OSBPL6: variants seen among roughly 807,000 people sequenced by gnomAD.
OSBPL6 encodes oxysterol binding protein like 6.
Under a neutral mutation model 125.8 loss-of-function variants are expected in OSBPL6, and 49 were observed. The ratio of observed to expected loss-of-function variants is 0.39; its 90% CI spans 0.31 to 0.49. The LOEUF is 0.49. OSBPL6 is among the 20% of genes least tolerant of loss of function. OSBPL6 has a pLI of 0.88. For missense variants in OSBPL6, 986 were observed against 1,135.4 expected (o/e 0.87, Z 1.89); for synonymous variants, 394 against 391.8 (o/e 1.01, Z -0.07).
intron 1 of OSBPL6, among the ~76,000 whole-genome samples, chr2:178,230,815 C>A (rs1338330689): frequency 6.6e-6 from 1 of 152,198 alleles, no homozygotes; most frequent in Admixed American, 6.5e-5. Flanking sequence ...CCTTATAGCA[C>A]AAATACCTTC....
At chr2:178,371,854 G>A (rs1375379328) in intron 13 of OSBPL6, among the ~76,000 whole-genome samples, 1 of 151,982 alleles carries the variant, frequency 6.6e-6, no homozygotes, top group East Asian at 1.9e-4. Context: ...TCACTCTAAA[G>A]GAAAGAAAAT....
chr2:178,339,326 C>A (rs1172630943), intron 10 of OSBPL6, among the ~76,000 whole-genome samples: 1 of 152,110 alleles, frequency 6.6e-6, no homozygotes, highest in Non-Finnish European at 1.5e-5. Context: ...GAAATACATT[C>A]AGTATCTGAA....
At chr2:178,336,485 CA>C in intron 9 of OSBPL6, 52 bp downstream of exon 9, 1 of 1,596,622 alleles carries the variant, frequency 6.3e-7, no homozygotes, top group Non-Finnish European at 8.5e-7. Context: ...AAACAAGAAA[CA>C]AAACCCGAAG....
chr2:178,294,420 A>G (rs2154049795), intron 2 of OSBPL6, among the ~76,000 whole-genome samples: 1 of 152,326 alleles, frequency 6.6e-6, no homozygotes, highest in African/African-American at 2.4e-5. Flanking sequence ...ACATGATAAC[A>G]GACGTCTTAA....
rs73030606 is a variant in OSBPL6 at position 178,262,818 on chromosome 2, G to A, written c.-350-22109G>A. Among the ~76,000 whole-genome samples, 1,093 of 152,206 alleles carry A rather than the reference G, an allele frequency of 7.2e-3. 9 individuals carry two copies. Among genetic ancestry groups the A allele is most frequent in the African/African-American group, 0.025 (1,045 of 41,524 alleles). ...TGACCAGTGTTTAATGAAAAATTAG[G>A]AGACATTAATATATATAGATCTCCT... On this transcript the variant is annotated intron_variant, in intron 1 of 24. Transcript: ENST00000190611.
intron 1 of OSBPL6, among the ~76,000 whole-genome samples, chr2:178,218,905 G>A (rs892202041): frequency 6.6e-6 from 1 of 152,084 alleles, no homozygotes; most frequent in Non-Finnish European, 1.5e-5. Context: ...TGGGATTACA[G>A]ATGTGAGCCA....
intron 1 of OSBPL6, among the ~76,000 whole-genome samples, chr2:178,201,913 A>T (rs986031097): frequency 6.6e-6 from 1 of 152,208 alleles, no homozygotes; most frequent in African/African-American, 2.4e-5. Context: ...ATCAGATATG[A>T]TGTCAGCTTT....
intron 1 of OSBPL6, among the ~76,000 whole-genome samples, chr2:178,248,337 T>A (rs546655847): frequency 4.1e-4 from 63 of 152,316 alleles, no homozygotes; most frequent in Non-Finnish European, 1.0e-4. Context: ...AAAAATACAA[T>A]TTCAGATTTG....
At chr2:178,335,318 G>A (rs1689582522) in intron 8 of OSBPL6, among the ~76,000 whole-genome samples, 1 of 152,094 alleles carries the variant, frequency 6.6e-6, no homozygotes, top group Non-Finnish European at 1.5e-5. Context: ...TGTTTGCCTT[G>A]AAATAAGAAA....
chr2:178,330,515 A>G (rs1215958149), intron 5 of OSBPL6, among the ~76,000 whole-genome samples: 2 of 152,034 alleles, frequency 1.3e-5, no homozygotes, highest in Non-Finnish European at 2.9e-5. Flanking sequence ...CTTTTTTTCC[A>G]GTGTTTACTT....
At chr2:178,297,839 A>T (rs1223324307) in intron 2 of OSBPL6, among the ~76,000 whole-genome samples, 2 of 152,240 alleles carry the variant, frequency 1.3e-5, no homozygotes, top group East Asian at 1.9e-4. Context: ...GTGATTCAGG[A>T]ACTTTTTATT....
In OSBPL6 at chr2:178,396,504, A is replaced by C. The variant is rs753761890; in HGVS notation, c.*945A>C. 6.6e-6 allele frequency: 1 copy of C among 152,262 alleles called. No homozygotes were observed. 9.4% of individuals were successfully genotyped at this position (152,262 alleles called of 1,614,324 possible). On this transcript the variant is annotated 3_prime_UTR_variant, in exon 25 of 25. Coordinates refer to ENST00000190611, the MANE Select transcript of OSBPL6 (RefSeq NM_032523.4). ...ACCTTAAAAGGAAATAACAAAAAGC[A>C]TATGGAATTCCTGTGTGGGCTTAGT...
rs1553532278 is a variant in OSBPL6, at chr2:178,247,015, C to CG, written c.-350-37912_-350-37911insG. ...CATCTCCCTGTAACCTGCCCCTCCC[C>CG]ACCCCCCCATGTTATTGTGTACTCA... On this transcript the variant is annotated intron_variant, in intron 1 of 24. Coordinates refer to ENST00000190611, the MANE Select transcript of OSBPL6 (RefSeq NM_032523.4). 4.6e-4 allele frequency among the ~76,000 whole-genome samples: 18 copies of CG among 39,490 alleles called. 2 individuals are homozygous for CG. The highest frequency in any genetic ancestry group is 1.3e-3 in the African/African-American group (11 of 8,698). 25.9% of individuals were successfully genotyped at this position (39,490 alleles called of 152,430 possible). A position where few individuals can be genotyped will look rare whatever the true frequency, so the allele number is the denominator to read the frequency against.
rs183091698 is a variant in OSBPL6 at position 178,378,277 on chromosome 2, T to C, written c.1534-4143T>C. ...CATGAAGGCAGAGATTTAACCACTG[T>C]GTCTCCTGCACTAAAACAGTTCTGG... On this transcript the variant is annotated intron_variant, in intron 15 of 24. Transcript: ENST00000190611. Among the ~76,000 whole-genome samples the C allele has an allele frequency of 2.6e-3, 403 of 152,342 alleles. 4 individuals are homozygous for C. Among genetic ancestry groups the C allele is most frequent in the Middle Eastern group, 0.024 (7 of 294 alleles).
rs546007902 is a variant in OSBPL6 at position 178,299,930 on chromosome 2, G to A, written c.-155-6100G>A. ...TGGAGAGAGATTAGAGGCTTGATGA[G>A]TTGAAATCAGGAAACTTGCATCTAG... On this transcript the variant is annotated intron_variant, in intron 2 of 24. Coordinates refer to ENST00000190611, the MANE Select transcript of OSBPL6 (RefSeq NM_032523.4). 3.3e-5 allele frequency among the ~76,000 whole-genome samples: 5 copies of A among 152,274 alleles called. No homozygotes were observed. In the South Asian group the frequency reaches 1.0e-3, roughly 32 times the overall value.
intron 2 of OSBPL6, among the ~76,000 whole-genome samples, chr2:178,299,658 G>T (rs1377581415): frequency 2.6e-5 from 4 of 152,134 alleles, no homozygotes; most frequent in Admixed American, 2.6e-4. Context: ...TAAAAATCCT[G>T]TTATGATTTT....
Position 178,374,157 on chromosome 2 carries a change from C to G in OSBPL6, c.1533+130C>G, listed in dbSNP as rs1693658089. ...TTTGTTTACATCATAGTAAAATGTC[C>G]AAATTGCAGCAAAGCTAAAAGCATG... On this transcript the variant is annotated intron_variant, in intron 15 of 24. Transcript: ENST00000190611. 15 of 1,105,356 alleles carry G rather than the reference C, an allele frequency of 1.4e-5. No individual in the cohort carries two copies. The South Asian group carries it at 1.9e-4, about 14-fold the overall frequency. 68.5% of individuals were successfully genotyped at this position (1,105,356 alleles called of 1,614,324 possible). A position where few individuals can be genotyped will look rare whatever the true frequency, so the allele number is the denominator to read the frequency against.
At chr2:178,352,213 TG>T (rs1244095402) in intron 12 of OSBPL6, among the ~76,000 whole-genome samples, 1 of 152,160 alleles carries the variant, frequency 6.6e-6, no homozygotes, top group Non-Finnish European at 1.5e-5. Flanking sequence ...CTGAGGTACG[TG>T]GTTCATCTCA....
chr2:178,274,411 T>C (rs1337975154), intron 1 of OSBPL6, among the ~76,000 whole-genome samples: 3 of 152,132 alleles, frequency 2.0e-5, no homozygotes, highest in Non-Finnish European at 4.4e-5. Context: ...TTAAGTGCTA[T>C]ATATAAATAA....
Sources: allele counts gnomAD v4.1 joint callset (sites outside exome capture counted in the v4.1 genomes callset), GRCh38; gene constraint gnomAD v4.1.1; transcripts MANE v1.5; gene names NCBI Gene and HGNC (gene_info 2026-07-23, HGNC 2026-07-21).